MGMT: variants seen among roughly 807,000 people sequenced by gnomAD.
MGMT encodes the protein O-6-methylguanine-DNA methyltransferase.
A neutral mutation model predicts 15.9 loss-of-function variants in MGMT; 14 were observed. The observed-to-expected ratio is 0.88, with a 90% CI of 0.58 to 1.37. MGMT has a LOEUF of 1.37. Ranked by LOEUF, MGMT falls within the 40% of genes most tolerant of loss-of-function variation. The pLI is 0.00. For synonymous variants in MGMT, 130 were observed against 118.2 expected (o/e 1.10, Z -0.65); for missense variants, 282 against 268.1 (o/e 1.05, Z -0.36).
chr10:129,672,503 A>T (rs1385030778), intron 2 of MGMT, among the ~76,000 whole-genome samples: 2 of 152,138 alleles, frequency 1.3e-5, no homozygotes, highest in Admixed American at 6.5e-5. Context: ...TGTATCTTCT[A>T]AATCTCTTGT....
At chr10:129,764,687 AAAAG>A (rs1295389870) in intron 4 of MGMT, among the ~76,000 whole-genome samples, 1 of 152,236 alleles carries the variant, frequency 6.6e-6, no homozygotes, top group Admixed American at 6.5e-5. Context: ...GCTGGAGAGA[AAAAG>A]AAGAGTGGAG....
At chr10:129,652,695 A>C (rs1847475509) in intron 2 of MGMT, among the ~76,000 whole-genome samples, 1 of 152,056 alleles carries the variant, frequency 6.6e-6, no homozygotes, top group African/African-American at 2.4e-5. Flanking sequence ...TGTCCTCCGC[A>C]CGTCAGCTGC....
intron 2 of MGMT, among the ~76,000 whole-genome samples, chr10:129,558,539 G>T (rs1846241217): frequency 6.6e-6 from 1 of 152,130 alleles, no homozygotes; most frequent in Admixed American, 6.5e-5. Context: ...CTGGTGGGGA[G>T]GTGTGTGTGT....
At chr10:129,618,506 G>A (rs573334723) in intron 2 of MGMT, among the ~76,000 whole-genome samples, 5 of 118,616 alleles carry the variant, frequency 4.2e-5, no homozygotes, top group African/African-American at 1.0e-4. Context: ...GCATTTCCAT[G>A]TAGAATAAGT....
At chr10:129,744,633 T>TA (rs1848672975) in intron 3 of MGMT, among the ~76,000 whole-genome samples, 1 of 152,218 alleles carries the variant, frequency 6.6e-6, no homozygotes, top group Non-Finnish European at 1.5e-5. Context: ...ACACAGGCCC[T>TA]ATGGCTTTCC....
intron 3 of MGMT, among the ~76,000 whole-genome samples, chr10:129,725,637 G>C (rs1385668218): frequency 1.3e-5 from 2 of 152,220 alleles, no homozygotes; most frequent in Non-Finnish European, 2.9e-5. Context: ...CAGGGCTGGG[G>C]TCTGCCCACT....
At chr10:129,658,226 C>A (rs908004305) in intron 2 of MGMT, among the ~76,000 whole-genome samples, 1 of 152,126 alleles carries the variant, frequency 6.6e-6, no homozygotes, top group Non-Finnish European at 1.5e-5. Flanking sequence ...CAGGTGATTG[C>A]CCTGGAGGTC....
At chr10:129,629,281 C>T (rs55979944) in intron 2 of MGMT, among the ~76,000 whole-genome samples, 3,905 of 152,294 alleles carry the variant, frequency 0.026, 79 homozygotes, top group South Asian at 0.061. Context: ...TTTCAGATTA[C>T]GGAAATATCT....
intron 2 of MGMT, among the ~76,000 whole-genome samples, chr10:129,582,392 C>T (rs1846567326): frequency 6.6e-6 from 1 of 152,176 alleles, no homozygotes; most frequent in African/African-American, 2.4e-5. Flanking sequence ...TGTGCTCTGC[C>T]TCTGACGGGT....
intron 2 of MGMT, among the ~76,000 whole-genome samples, chr10:129,671,444 T>C (rs1589927433): frequency 1.3e-5 from 2 of 151,998 alleles, no homozygotes; most frequent in Admixed American, 1.3e-4. Context: ...TTTTTTTTGG[T>C]AAATAAGTAT....
chr10:129,646,093 C>G (rs1016679850), intron 2 of MGMT, among the ~76,000 whole-genome samples: 1 of 151,978 alleles, frequency 6.6e-6, no homozygotes, highest in Non-Finnish European at 1.5e-5. Context: ...ACAGATATGA[C>G]ATTTATAAGC....
chr10:129,709,862 G>C (rs1848210519), intron 3 of MGMT, among the ~76,000 whole-genome samples: 1 of 152,048 alleles, frequency 6.6e-6, no homozygotes, highest in South Asian at 2.1e-4. Context: ...GGAGGAGGAG[G>C]CCTCCGCAGC....
intron 1 of MGMT, among the ~76,000 whole-genome samples, chr10:129,530,480 G>A (rs1255972452): frequency 6.6e-6 from 1 of 152,180 alleles, no homozygotes; most frequent in African/African-American, 2.4e-5. Flanking sequence ...CTCCTGTGTA[G>A]GGGTGCTAAG....
At chr10:129,542,914 C>T (rs549576683) in intron 2 of MGMT, among the ~76,000 whole-genome samples, 37 of 152,272 alleles carry the variant, frequency 2.4e-4, no homozygotes, top group African/African-American at 8.7e-4. Flanking sequence ...GGGAGTTCCT[C>T]TTGTGACTTA....
At chr10:129,739,132 C>G (rs1589968933) in intron 3 of MGMT, among the ~76,000 whole-genome samples, 1 of 152,164 alleles carries the variant, frequency 6.6e-6, no homozygotes, top group East Asian at 1.9e-4. Flanking sequence ...TCTCAGTAAA[C>G]TAGGTATTGA....
At chr10:129,672,071 C>G (rs1481656612) in intron 2 of MGMT, among the ~76,000 whole-genome samples, 1 of 152,252 alleles carries the variant, frequency 6.6e-6, no homozygotes, top group South Asian at 2.1e-4. Flanking sequence ...AAACATTTAT[C>G]AGTACACCAT....
intron 2 of MGMT, among the ~76,000 whole-genome samples, chr10:129,548,646 G>C (rs555148660): frequency 6.6e-6 from 1 of 152,224 alleles, no homozygotes; most frequent in African/African-American, 2.4e-5. Context: ...CCCCTTGTTG[G>C]CTGGTCCTGC....
chr10:129,605,534 A>G (rs921394324), intron 2 of MGMT, among the ~76,000 whole-genome samples: 1 of 152,166 alleles, frequency 6.6e-6, no homozygotes, highest in African/African-American at 2.4e-5. Context: ...AAATCCCCAC[A>G]ATACCAGAAA....
At chr10:129,663,490 A>G (rs952398788) in intron 2 of MGMT, among the ~76,000 whole-genome samples, 1 of 152,162 alleles carries the variant, frequency 6.6e-6, no homozygotes, top group Admixed American at 6.5e-5. Context: ...ATAGAAGCAG[A>G]AAATAACGAA....
Sources: gnomAD v4.1 joint callset for allele counts (sites outside exome capture counted in the v4.1 genomes callset) on GRCh38, gnomAD v4.1.1 for gene constraint, MANE v1.5 for transcripts, NCBI Gene and HGNC (gene_info 2026-07-23, HGNC 2026-07-21) for gene names.